Variants in ARHGAP10 observed in about 807,000 individuals in gnomAD.
ARHGAP10 encodes rho GTPase-activating protein 10.
A neutral mutation model predicts 108.6 loss-of-function variants in ARHGAP10; 87 were observed. The observed-to-expected ratio is 0.80, with a 90% confidence interval of 0.67 to 0.96. ARHGAP10 has a LOEUF of 0.96. ARHGAP10 is among the 40% of genes least tolerant of loss of function. The probability of loss-of-function intolerance (pLI) is 0.00; values close to 1 mark genes in which losing one functional copy is unlikely to be tolerated. For missense variants in ARHGAP10, 939 were observed against 954.5 expected (o/e 0.98, Z 0.21); for synonymous variants, 347 against 341.1 (o/e 1.02, Z -0.19).
chr4:147,741,746 G>A (rs919204183), intron 1 of ARHGAP10, among the ~76,000 whole-genome samples: 1 of 147,712 alleles, frequency 6.8e-6, no homozygotes, highest in African/African-American at 2.5e-5. Context: ...CTAAAGGCAG[G>A]CATCTTGATA....
At chr4:147,917,746 G>C (rs1294093930) in intron 13 of ARHGAP10, among the ~76,000 whole-genome samples, 1 of 152,146 alleles carries the variant, frequency 6.6e-6, no homozygotes, top group African/African-American at 2.4e-5. Context: ...ATTTGACTTT[G>C]AAATTAATTT....
At chr4:147,942,448 T>G (rs886643626) in intron 14 of ARHGAP10, among the ~76,000 whole-genome samples, 24 of 152,212 alleles carry the variant, frequency 1.6e-4, no homozygotes, top group African/African-American at 5.5e-4. Flanking sequence ...ATGTAAAAGT[T>G]TATAATGATT....
intron 18 of ARHGAP10, among the ~76,000 whole-genome samples, chr4:148,004,009 G>T (rs1399865568): frequency 8.8e-6 from 1 of 114,264 alleles, no homozygotes; most frequent in East Asian, 2.1e-4. Flanking sequence ...CTGTACTGCT[G>T]GCGGGGGTGT....
At chr4:147,944,405 C>T (rs1738290911) in intron 14 of ARHGAP10, among the ~76,000 whole-genome samples, 2 of 152,218 alleles carry the variant, frequency 1.3e-5, no homozygotes, top group Non-Finnish European at 2.9e-5. Context: ...CTTTAAAAGT[C>T]TTCAGACCTT....
rs1237416930 is a variant in ARHGAP10 at position 148,064,745 on chromosome 4, G to T, written c.2272+238G>T. Reference sequence around the variant, plus strand: ...ATTACTCTCTGACCCATCTCATCTTGTGGGTCTTCATTCAGGTCATCTCTC... The same window carrying T: ...ATTACTCTCTGACCCATCTCATCTTTTGGGTCTTCATTCAGGTCATCTCTC... On this transcript the variant is annotated intron_variant, in intron 22 of 22. Transcript: ENST00000336498. Among the ~76,000 whole-genome samples the T allele has an allele frequency of 2.0e-5, 3 of 149,850 alleles. No individual in the cohort carries two copies. In the East Asian group the frequency reaches 5.8e-4, roughly 29 times the overall value.
At chr4:148,014,752 A>T (rs1208480020) in intron 18 of ARHGAP10, among the ~76,000 whole-genome samples, 3 of 150,014 alleles carry the variant, frequency 2.0e-5, no homozygotes, top group Non-Finnish European at 2.9e-5. Flanking sequence ...TGCAAAAACC[A>T]AAGTCTGCTA....
intron 1 of ARHGAP10, among the ~76,000 whole-genome samples, chr4:147,807,897 C>A (rs1359017585): frequency 2.0e-5 from 3 of 152,158 alleles, no homozygotes; most frequent in Non-Finnish European, 4.4e-5. Context: ...TCATGAAGGT[C>A]CTCGTCCTCC....
chr4:148,037,266 T>A (rs1728421498), intron 19 of ARHGAP10, among the ~76,000 whole-genome samples: 1 of 152,224 alleles, frequency 6.6e-6, no homozygotes, highest in Non-Finnish European at 1.5e-5. Context: ...CCACTGTCCA[T>A]GACAAACTGC....
At chr4:147,798,036 T>G (rs1731388399) in intron 1 of ARHGAP10, among the ~76,000 whole-genome samples, 2 of 152,212 alleles carry the variant, frequency 1.3e-5, no homozygotes, top group African/African-American at 4.8e-5. Context: ...TGCTTCTTTG[T>G]CCCCTGTTCA....
chr4:147,759,228 G>A (rs1049326199), intron 1 of ARHGAP10, among the ~76,000 whole-genome samples: 2 of 152,076 alleles, frequency 1.3e-5, no homozygotes, highest in African/African-American at 4.8e-5. Flanking sequence ...TGAGAACTCC[G>A]TATGTTGTCT....
chr4:147,934,663 C>G (rs1578706883), intron 13 of ARHGAP10, among the ~76,000 whole-genome samples: 1 of 152,066 alleles, frequency 6.6e-6, no homozygotes, highest in East Asian at 1.9e-4. Flanking sequence ...ATAGTGAGAC[C>G]CGCTCTCTAC....
At chr4:147,756,650 A>G (rs1032820361) in intron 1 of ARHGAP10, among the ~76,000 whole-genome samples, 4 of 152,184 alleles carry the variant, frequency 2.6e-5, no homozygotes, top group African/African-American at 7.2e-5. Flanking sequence ...CAGGGTATCC[A>G]CACTGTATGG....
At chr4:148,025,783 T>C (rs1019009956) in intron 19 of ARHGAP10, among the ~76,000 whole-genome samples, 1 of 152,190 alleles carries the variant, frequency 6.6e-6, no homozygotes, top group Non-Finnish European at 1.5e-5. Flanking sequence ...CAAAACGACT[T>C]GAAGGTTTCA....
chr4:147,913,239 C>A (rs144369804), intron 13 of ARHGAP10, 100 bp downstream of exon 13: 1 of 1,009,122 alleles, frequency 9.9e-7, no homozygotes, highest in Non-Finnish European at 1.5e-6. Context: ...CAGAATGAAA[C>A]GTGTTAACAC....
intron 10 of ARHGAP10, among the ~76,000 whole-genome samples, chr4:147,891,399 C>G (rs1735790536): frequency 6.6e-6 from 1 of 152,162 alleles, no homozygotes; most frequent in African/African-American, 2.4e-5. Flanking sequence ...GCAGGACAGA[C>G]ACATCTATAT....
intron 4 of ARHGAP10, among the ~76,000 whole-genome samples, chr4:147,855,837 G>C (rs948780593): frequency 2.0e-5 from 3 of 152,142 alleles, no homozygotes; most frequent in Non-Finnish European, 4.4e-5. Context: ...GGGACATACT[G>C]TCCTGGGTTT....
chr4:147,939,760 A>G (rs1261019978), intron 13 of ARHGAP10, 65 bp from the exon 14 acceptor site: 6 of 1,391,576 alleles, frequency 4.3e-6, no homozygotes, highest in Non-Finnish European at 6.1e-6. Context: ...TTTGAATGCA[A>G]CTGTTTGATG....
rs1730230502 is a variant in ARHGAP10 at position 148,072,580 on chromosome 4, C to T, written c.*499C>T. ...TGGTGCAAGGGAGATGGTCTCAAGT[C>T]AGAGGGAAGCAGAGACGCGCGTCTC... is the stretch of plus-strand genomic sequence containing the variant. On this transcript the variant is annotated 3_prime_UTR_variant, in exon 23 of 23. Transcript: ENST00000336498. The T allele has an allele frequency of 6.5e-6, 1 of 152,708 alleles. No homozygotes were observed. Among genetic ancestry groups the T allele is most frequent in the Non-Finnish European group, 1.5e-5 (1 of 68,492 alleles). 9.5% of individuals were successfully genotyped at this position (152,708 alleles called of 1,614,324 possible).
At chr4:148,033,620 C>T (rs948402790) in intron 19 of ARHGAP10, among the ~76,000 whole-genome samples, 3 of 152,158 alleles carry the variant, frequency 2.0e-5, no homozygotes, top group Non-Finnish European at 2.9e-5. Context: ...ACACATACCG[C>T]ATACATTTAT....
Sources: allele counts gnomAD v4.1 joint callset (sites outside exome capture counted in the v4.1 genomes callset), GRCh38; gene constraint gnomAD v4.1.1; transcripts MANE v1.5; gene names NCBI Gene and HGNC (gene_info 2026-07-23, HGNC 2026-07-21).